The following MDFIC2 variants were observed in gnomAD, a reference collection of about 807,000 sequenced individuals.
MDFIC2 encodes MyoD family inhibitor domain containing 2, also known as myoD family inhibitor domain-containing protein 2.
chr3:70,283,642 G>A (rs1702111419), intron 2 of MDFIC2: 2 of 152,098 alleles, frequency 1.3e-5, no homozygotes, highest in South Asian at 4.2e-4. Context: ...ATTCATGCTG[G>A]GGTCAGGCTT....
At chr3:70,220,034 A>G (rs942000729) in intron 2 of MDFIC2, among the ~76,000 whole-genome samples, 7 of 152,182 alleles carry the variant, frequency 4.6e-5, no homozygotes, top group African/African-American at 1.2e-4. Flanking sequence ...ACAAAAATAA[A>G]GAAAAGATTT....
At chr3:70,197,354 T>C (rs1014644846) in intron 3 of MDFIC2, among the ~76,000 whole-genome samples, 169 bp from the exon 4 acceptor site, 1 of 152,240 alleles carries the variant, frequency 6.6e-6, no homozygotes, top group Non-Finnish European at 1.5e-5. Flanking sequence ...CCCATGTCAG[T>C]ACTCACTCTA....
At chr3:70,290,196 T>C (rs1337455524) in intron 2 of MDFIC2, among the ~76,000 whole-genome samples, 1 of 152,212 alleles carries the variant, frequency 6.6e-6, no homozygotes, top group Non-Finnish European at 1.5e-5. Context: ...TGGTTTTATC[T>C]ACTTTTGGTC....
In MDFIC2 at chr3:70,311,057, A is replaced by G. The variant is rs1702449598; in HGVS notation, c.88+829T>C. ...AATAAACATTGTCAATGTTGATGTT[A>G]TTGTTATCATTATTTTGGTGTTGTC... is the stretch of plus-strand genomic sequence containing the variant. On this transcript the variant is annotated intron_variant, in intron 2 of 3. Transcript: ENST00000567252. 1.3e-5 allele frequency among the ~76,000 whole-genome samples: 2 copies of G among 152,176 alleles called. 1 individual carries two copies. The highest frequency in any genetic ancestry group is 1.3e-4 in the Admixed American group (2 of 15,268).
intron 2 of MDFIC2, chr3:70,302,498 G>A (rs1479814547): frequency 7.2e-5 from 11 of 152,036 alleles, no homozygotes; most frequent in Admixed American, 7.2e-4. Context: ...TTGATTAAGT[G>A]TATCACATCA....
chr3:70,226,857 C>T (rs1462960050), intron 2 of MDFIC2, among the ~76,000 whole-genome samples: 1 of 151,558 alleles, frequency 6.6e-6, no homozygotes, highest in Non-Finnish European at 1.5e-5. Flanking sequence ...CTTAGCAGAG[C>T]ATGGTAAGAA....
At chr3:70,290,807 G>T (rs1702230007) in intron 2 of MDFIC2, among the ~76,000 whole-genome samples, 1 of 152,176 alleles carries the variant, frequency 6.6e-6, no homozygotes, top group African/African-American at 2.4e-5. Flanking sequence ...TATTCGGGTG[G>T]GAGTGACCCG....
At chr3:70,237,316 G>T (rs903566933) in intron 2 of MDFIC2, among the ~76,000 whole-genome samples, 4 of 152,114 alleles carry the variant, frequency 2.6e-5, no homozygotes, top group Admixed American at 2.6e-4. Flanking sequence ...CTCTATTAAT[G>T]AATGCTTAAA....
intron 2 of MDFIC2, among the ~76,000 whole-genome samples, chr3:70,252,971 T>G (rs1701783542): frequency 6.6e-6 from 1 of 151,804 alleles, no homozygotes; most frequent in Non-Finnish European, 1.5e-5. Flanking sequence ...TTCCAGCTAC[T>G]AGGGAGGCTG....
Position 70,300,712 on chromosome 3 carries a change from T to C in MDFIC2, c.88+11174A>G, listed in dbSNP as rs559079239. Among the ~76,000 whole-genome samples, 27 of 152,232 alleles carry C rather than the reference T, an allele frequency of 1.8e-4. No homozygotes were observed. In the South Asian group the frequency reaches 4.6e-3, roughly 26 times the overall value. On this transcript the variant is annotated intron_variant, in intron 2 of 3. Transcript: ENST00000567252. ...AAGTAAAACTGAAGCAAAAAGTACA[T>C]TCTTCTGTCATAGAACAAGTAATGT...
chr3:70,292,611 A>G (rs949893610), intron 2 of MDFIC2, among the ~76,000 whole-genome samples: 6 of 152,086 alleles, frequency 3.9e-5, no homozygotes, highest in African/African-American at 1.4e-4. Context: ...TTGCTTTTGG[A>G]TGAGTTTTTC....
At chr3:70,199,050 A>T (rs116645797) in intron 3 of MDFIC2, among the ~76,000 whole-genome samples, 1 of 152,220 alleles carries the variant, frequency 6.6e-6, no homozygotes, top group Non-Finnish European at 1.5e-5. Flanking sequence ...GACAATCTCC[A>T]AGTGAATACT....
At position 70,311,433 on chromosome 3, in the gene MDFIC2, C is replaced by A. The variant is rs183621795; in HGVS notation, c.88+453G>T. Among the ~76,000 whole-genome samples the A allele has an allele frequency of 1.8e-3, 274 of 152,278 alleles. 1 individual carries two copies. The highest frequency in any genetic ancestry group is 6.4e-3 in the African/African-American group (264 of 41,546). On this transcript the variant is annotated intron_variant, in intron 2 of 3. Coordinates refer to ENST00000567252, the MANE Select transcript of MDFIC2 (RefSeq NM_001364677.1). ...CGGAGCCCATGGCCGACAGCATTCT[C>A]CCCTGGGAAGGTGGCTTCTCTAATT... is the stretch of plus-strand genomic sequence containing the variant.
chr3:70,199,490 T>C (rs563505781), intron 3 of MDFIC2, among the ~76,000 whole-genome samples: 2 of 152,308 alleles, frequency 1.3e-5, no homozygotes, highest in East Asian at 1.9e-4. Context: ...TCTAAGTCAG[T>C]CCTTTTTATT....
intron 2 of MDFIC2, among the ~76,000 whole-genome samples, chr3:70,252,641 A>G (rs575299780): frequency 6.6e-6 from 1 of 152,316 alleles, no homozygotes; most frequent in Non-Finnish European, 1.5e-5. Context: ...GGAGGTAACT[A>G]TTTGGTTCCA....
At chr3:70,287,590 A>C (rs949782434) in intron 2 of MDFIC2, among the ~76,000 whole-genome samples, 36 of 151,918 alleles carry the variant, frequency 2.4e-4, no homozygotes, top group African/African-American at 8.2e-4. Context: ...GTGAGGGAGG[A>C]TTCCCTCTTT....
intron 2 of MDFIC2, among the ~76,000 whole-genome samples, chr3:70,297,662 T>G (rs964056352): frequency 6.6e-6 from 1 of 152,130 alleles, no homozygotes; most frequent in African/African-American, 2.4e-5. Context: ...CTCCCTTATG[T>G]AAAACGAGGA....
At chr3:70,285,332 T>A (rs993506236) in intron 2 of MDFIC2, among the ~76,000 whole-genome samples, 22 of 151,862 alleles carry the variant, frequency 1.4e-4, no homozygotes, top group African/African-American at 5.3e-4. Context: ...CTTGCGATAG[T>A]TTACTGAGAA....
At chr3:70,261,622 C>G (rs1181963438) in intron 2 of MDFIC2, among the ~76,000 whole-genome samples, 1 of 152,178 alleles carries the variant, frequency 6.6e-6, no homozygotes, top group African/African-American at 2.4e-5. Context: ...GCTTTCTTCA[C>G]TTTCAACAAT....
Sources: gnomAD v4.1 joint callset for allele counts (sites outside exome capture counted in the v4.1 genomes callset) on GRCh38, gnomAD v4.1.1 for gene constraint, MANE v1.5 for transcripts, NCBI Gene and HGNC (gene_info 2026-07-23, HGNC 2026-07-21) for gene names.